NKAPD1: variants seen among roughly 807,000 people sequenced by gnomAD.
The protein encoded by NKAPD1 is NKAP domain containing 1, also known as uncharacterized protein NKAPD1.
NKAPD1 carries 12 observed loss-of-function variants against 30.9 expected under a neutral mutation model. That is an observed-to-expected ratio of 0.39 (90% CI 0.25 to 0.63). NKAPD1 has a LOEUF of 0.63. Among genes scored for constraint, NKAPD1 ranks in the 20% least tolerant of loss-of-function variants. The pLI is 0.51. For synonymous variants in NKAPD1, 91 were observed against 113.6 expected (o/e 0.80, Z 1.26); for missense variants, 311 against 344.5 (o/e 0.90, Z 0.77).
chr11:112,080,833 G>A (rs1296832574), intron 4 of NKAPD1: 2 of 382,664 alleles, frequency 5.2e-6, no homozygotes, highest in Non-Finnish European at 9.5e-6. Flanking sequence ...CATGCTAAGT[G>A]AGAAGGAAGA....
rs1865309634 is a variant in NKAPD1, at chr11:112,075,596, A to G, written c.22A>G (p.Lys8Glu). Reference protein sequence around the residue: MSRIPLGKVLLRNVIRHT... With the variant: MSRIPLGEVLLRNVIRHT... ...AAGAATGTCCCGGATTCCACTGGGGAAGGTCCTCCTGAGGAATGTCATCCG... is the reference window on the plus strand; with the variant it reads ...AAGAATGTCCCGGATTCCACTGGGGGAGGTCCTCCTGAGGAATGTCATCCG... The change falls in exon 2 of 6, where the codon AAG becomes GAG. Residue 8 changes from lysine to glutamate, a missense_variant. By Grantham distance (56) the Lys-to-Glu change is moderately conservative (BLOSUM62 1). Coordinates refer to ENST00000393047, the MANE Select transcript of NKAPD1 (RefSeq NM_018195.4). 1 of 1,608,362 alleles carries G rather than the reference A, an allele frequency of 6.2e-7. No homozygotes were observed. Among genetic ancestry groups the G allele is most frequent in the Non-Finnish European group, 8.5e-7 (1 of 1,178,540 alleles).
intron 1 of NKAPD1, among the ~76,000 whole-genome samples, chr11:112,075,207 A>G (rs1865291339): frequency 6.6e-6 from 1 of 152,324 alleles, no homozygotes; most frequent in South Asian, 2.1e-4. Flanking sequence ...GCCTGGGACT[A>G]TGTGGCTTGG....
intron 3 of NKAPD1, among the ~76,000 whole-genome samples, chr11:112,080,074 C>G (rs1260420375): frequency 1.3e-5 from 2 of 152,162 alleles, no homozygotes; most frequent in Non-Finnish European, 2.9e-5. Context: ...CCCGGCCTCC[C>G]AAAGTGCTGG....
At position 112,080,520 on chromosome 11, in the gene NKAPD1, T is replaced by C. The variant is rs535451040; in HGVS notation, c.282T>C (p.Asn94=). ...ATTTTCTTAAGGCTAAATCCTGGAATAAAAAGTTCTATGATTATGAAGCAA... is the reference window on the plus strand; with the variant it reads ...ATTTTCTTAAGGCTAAATCCTGGAACAAAAAGTTCTATGATTATGAAGCAA... ...EDDFLKAKSW[N]KKFYDYEANM... Residue 94 remains asparagine, a synonymous_variant, in exon 4 of 6, where the codon AAT becomes AAC. Coordinates refer to ENST00000393047, the MANE Select transcript of NKAPD1 (RefSeq NM_018195.4). 20 of 1,614,016 alleles carry C rather than the reference T, an allele frequency of 1.2e-5. No individual in the cohort carries two copies. The South Asian group carries it at 2.0e-4, about 16-fold the overall frequency.
chr11:112,074,389 G>C lies in NKAPD1; in HGVS notation c.-536G>C. The stretch of plus-strand genomic sequence containing the variant: ...GGTGTGTTTGTGTGTATTTGTGTGG[G>C]GAGGGCGTTTGGAGGGAAGGTTACC... On this transcript the variant is annotated 5_prime_UTR_variant, in exon 1 of 6. Coordinates refer to ENST00000393047, the MANE Select transcript of NKAPD1 (RefSeq NM_018195.4). 1 of 399,218 alleles carries C rather than the reference G, an allele frequency of 2.5e-6. No homozygotes were observed. The highest frequency in any genetic ancestry group is 4.4e-6 in the Non-Finnish European group (1 of 226,166). The allele number at this position is 399,218 out of a possible 1,614,324, so 24.7% of individuals were successfully genotyped here.
Position 112,083,006 on chromosome 11 carries a change from G to C in NKAPD1, c.*34G>C. On this transcript the variant is annotated 3_prime_UTR_variant, in exon 6 of 6. Transcript: ENST00000393047. ...CACTTTTGTTTTCCACATGACTGTGGATATTTACAGTTCTTACTCCTTGTG... is the reference window on the plus strand; with the variant it reads ...CACTTTTGTTTTCCACATGACTGTGCATATTTACAGTTCTTACTCCTTGTG... 13 of 1,558,088 alleles carry C rather than the reference G, an allele frequency of 8.3e-6. No homozygotes were observed. The highest frequency in any genetic ancestry group is 1.1e-5 in the Non-Finnish European group (13 of 1,159,324).
intron 2 of NKAPD1, 75 bp from the exon 3 acceptor site, chr11:112,078,140 G>A (rs193144242): frequency 5.9e-5 from 68 of 1,155,100 alleles, no homozygotes; most frequent in African/African-American, 2.7e-4. Context: ...CACTGTGCCC[G>A]GCCAGTTAGT....
rs1036038042 is a variant in NKAPD1 at position 112,074,536 on chromosome 11, A to G, written c.-389A>G. ...CTCCCTAGATACTTTCTGGGGCCCA[A>G]CCGAAGGCCGTAGCCATCCAAAGCG... On this transcript the variant is annotated 5_prime_UTR_variant, in exon 1 of 6. Transcript: ENST00000393047. 2 of 399,042 alleles carry G rather than the reference A, an allele frequency of 5.0e-6. No individual in the cohort carries two copies. The highest frequency in any genetic ancestry group is 8.8e-6 in the Non-Finnish European group (2 of 226,138). 24.7% of individuals were successfully genotyped at this position (399,042 alleles called of 1,614,324 possible). A position where few individuals can be genotyped will look rare whatever the true frequency, so the allele number is the denominator to read the frequency against.
intron 4 of NKAPD1, chr11:112,081,720 T>C: frequency 2.5e-6 from 1 of 404,470 alleles, no homozygotes; most frequent in Non-Finnish European, 4.5e-6. Flanking sequence ...GAGCAGAGTG[T>C]AAGAGTTCGT....
chr11:112,081,955 C>T (rs1031939449), intron 4 of NKAPD1, 27 bp from the exon 5 acceptor site: 2 of 1,600,452 alleles, frequency 1.2e-6, no homozygotes, highest in Non-Finnish European at 1.7e-6. Flanking sequence ...ATTGCTTTAA[C>T]AATACATGTG....
At chr11:112,075,529 G>A in intron 1 of NKAPD1, 38 bp from the exon 2 acceptor site, 3 of 1,466,840 alleles carry the variant, frequency 2.0e-6, no homozygotes, top group Non-Finnish European at 2.8e-6. Context: ...AGTAATAACA[G>A]AAATTATTAC....
intron 5 of NKAPD1, 29 bp downstream of exon 5, chr11:112,082,064 C>CT (rs774050596): frequency 1.3e-6 from 2 of 1,540,896 alleles, no homozygotes; most frequent in Non-Finnish European, 9.0e-7. Context: ...CTGAAAGAAA[C>CT]TAAGATGGTA....
At position 112,083,985 on chromosome 11, in the gene NKAPD1, A is replaced by G. The variant is rs1032903941; in HGVS notation, c.*1013A>G. 6.6e-6 allele frequency: 1 copy of G among 152,640 alleles called. No homozygotes were observed. Among genetic ancestry groups the G allele is most frequent in the African/African-American group, 2.4e-5 (1 of 41,454 alleles). 9.5% of individuals were successfully genotyped at this position (152,640 alleles called of 1,614,324 possible). A position where few individuals can be genotyped will look rare whatever the true frequency, so the allele number is the denominator to read the frequency against. Reference sequence around the variant, plus strand: ...TTCCCTTTGCTATACTGTGATCCTTAGTATGTTAATTCTTAAGAAACCAAC... The same window carrying G: ...TTCCCTTTGCTATACTGTGATCCTTGGTATGTTAATTCTTAAGAAACCAAC... On this transcript the variant is annotated 3_prime_UTR_variant, in exon 6 of 6. Coordinates refer to ENST00000393047, the MANE Select transcript of NKAPD1 (RefSeq NM_018195.4).
At chr11:112,076,212 A>G (rs1166567282) in intron 2 of NKAPD1, among the ~76,000 whole-genome samples, 1 of 152,168 alleles carries the variant, frequency 6.6e-6, no homozygotes, top group East Asian at 1.9e-4. Flanking sequence ...GTGTGGCATG[A>G]TCATAGTTAT....
At chr11:112,076,290 A>C (rs1269227432) in intron 2 of NKAPD1, among the ~76,000 whole-genome samples, 1 of 152,194 alleles carries the variant, frequency 6.6e-6, no homozygotes, top group East Asian at 1.9e-4. Context: ...AAGGGAGAGT[A>C]ATTAGGAGGC....
intron 4 of NKAPD1, 137 bp from the exon 5 acceptor site, chr11:112,081,845 G>A (rs1480703813): frequency 1.5e-6 from 1 of 682,036 alleles, no homozygotes; most frequent in East Asian, 2.8e-5. Flanking sequence ...GAGCTATAAT[G>A]GGGGCTTGGT....
Position 112,084,324 on chromosome 11 carries a change from A to T in NKAPD1, c.*1352A>T, listed in dbSNP as rs1025706881. ...GTTGGTATTTTTAGTTCTAACTGCT[A>T]AATTTGTTCTCTTTACGGGACAGAT... On this transcript the variant is annotated 3_prime_UTR_variant, in exon 6 of 6. Coordinates refer to ENST00000393047, the MANE Select transcript of NKAPD1 (RefSeq NM_018195.4). 5.2e-5 allele frequency: 8 copies of T among 152,660 alleles called. No homozygotes were observed. The highest frequency in any genetic ancestry group is 1.9e-4 in the African/African-American group (8 of 41,460). 9.5% of individuals were successfully genotyped at this position (152,660 alleles called of 1,614,324 possible). A position where few individuals can be genotyped will look rare whatever the true frequency, so the allele number is the denominator to read the frequency against.
intron 2 of NKAPD1, among the ~76,000 whole-genome samples, chr11:112,076,083 A>C (rs1483370246): frequency 6.6e-6 from 1 of 152,214 alleles, no homozygotes; most frequent in African/African-American, 2.4e-5. Context: ...AAAGCAGGGA[A>C]GGTAGGGGAT....
chr11:112,083,016 GTTC>G lies in NKAPD1; in HGVS notation c.*47_*49del. 6.5e-7 allele frequency: 1 copy of G among 1,541,496 alleles called. No homozygotes were observed. Among genetic ancestry groups the G allele is most frequent in the South Asian group, 1.3e-5 (1 of 76,440 alleles). On this transcript the variant is annotated 3_prime_UTR_variant, in exon 6 of 6. Transcript: ENST00000393047. ...TTCCACATGACTGTGGATATTTACA[GTTC>G]TTACTCCTTGTGGTTTTGCCAGTGA... is the stretch of plus-strand genomic sequence containing the variant.
Sources: allele counts gnomAD v4.1 joint callset (sites outside exome capture counted in the v4.1 genomes callset), GRCh38; gene constraint gnomAD v4.1.1; transcripts MANE v1.5; gene names NCBI Gene and HGNC (gene_info 2026-07-23, HGNC 2026-07-21).